Variants in SUGCT observed in about 807,000 individuals in gnomAD.
SUGCT encodes the protein succinyl-CoA:glutarate CoA-transferase.
A neutral mutation model predicts 55.0 loss-of-function variants in SUGCT; 41 were observed. The observed-to-expected ratio is 0.74, with a 90% CI of 0.58 to 0.97. The LOEUF (loss-of-function observed/expected upper bound fraction) is 0.97, where lower values mean the gene tolerates loss of function less well. Among genes scored for constraint, SUGCT ranks in the 50% least tolerant of loss-of-function variants. The pLI is 0.00. For synonymous variants in SUGCT, 187 were observed against 200.4 expected (o/e 0.93, Z 0.56); for missense variants, 568 against 547.8 (o/e 1.04, Z -0.37).
At chr7:40,227,890 A>T (rs1788478915) in intron 6 of SUGCT, among the ~76,000 whole-genome samples, 1 of 150,378 alleles carries the variant, frequency 6.6e-6, no homozygotes, top group South Asian at 2.1e-4. Flanking sequence ...TTATTTATTT[A>T]TTTATTTTTG....
intron 12 of SUGCT, among the ~76,000 whole-genome samples, chr7:40,703,311 G>T (rs1253310412): frequency 1.3e-5 from 2 of 152,068 alleles, no homozygotes; most frequent in Non-Finnish European, 2.9e-5. Context: ...ATAGGTGGTG[G>T]TCGGGGTCCT....
chr7:40,684,963 T>A (rs1784402418), intron 12 of SUGCT, among the ~76,000 whole-genome samples: 2 of 152,192 alleles, frequency 1.3e-5, no homozygotes. Flanking sequence ...CCCAAGTAGC[T>A]GGGACTACAG....
Position 40,448,954 on chromosome 7 carries a change from A to G in SUGCT, c.817-333A>G, listed in dbSNP as rs544389091. ...TGTGTGTGTGTGTGTGTGTGTGTATATATATATAGAGAGAGAGAGAGAGAG... is the reference window on the plus strand; with the variant it reads ...TGTGTGTGTGTGTGTGTGTGTGTATGTATATATAGAGAGAGAGAGAGAGAG... On this transcript the variant is annotated intron_variant, in intron 9 of 13. Coordinates refer to ENST00000335693, the MANE Select transcript of SUGCT (RefSeq NM_001193313.2). Among the ~76,000 whole-genome samples, 1,330 of 144,362 alleles carry G rather than the reference A, an allele frequency of 9.2e-3. 20 individuals carry two copies. The highest frequency in any genetic ancestry group is 0.032 in the African/African-American group (1,196 of 36,866). 94.7% of individuals were successfully genotyped at this position (144,362 alleles called of 152,430 possible). A position where few individuals can be genotyped will look rare whatever the true frequency, so the allele number is the denominator to read the frequency against.
chr7:40,944,580 C>T, the SUGCT span, among the ~76,000 whole-genome samples: 1 of 151,424 alleles, frequency 6.6e-6, no homozygotes, highest in African/African-American at 2.4e-5. Flanking sequence ...TGTCAAAGAT[C>T]AGATAGTTGT....
rs185851377 is a variant in SUGCT, at chr7:40,450,126, C to T, written c.888+768C>T. 1.6e-3 allele frequency among the ~76,000 whole-genome samples: 241 copies of T among 152,214 alleles called. 2 individuals are homozygous for T. Among genetic ancestry groups the T allele is most frequent in the African/African-American group, 5.6e-3 (233 of 41,552 alleles). ...TATTTTTAGTAGAGATGTGGTTTCA[C>T]TATGCTGGCCAGGGTGGTCTCGAAC... On this transcript the variant is annotated intron_variant, in intron 10 of 13. Coordinates refer to ENST00000335693, the MANE Select transcript of SUGCT (RefSeq NM_001193313.2).
At chr7:40,537,853 A>G (rs1029814993) in intron 12 of SUGCT, among the ~76,000 whole-genome samples, 1 of 152,218 alleles carries the variant, frequency 6.6e-6, no homozygotes, top group African/African-American at 2.4e-5. Flanking sequence ...TAACTACATT[A>G]TGAGCAAGAG....
chr7:40,488,113 T>C (rs1791483811), intron 11 of SUGCT, among the ~76,000 whole-genome samples: 1 of 151,872 alleles, frequency 6.6e-6, no homozygotes. Flanking sequence ...TGTTTTGTAG[T>C]TGTTTTGTAG....
intron 9 of SUGCT, among the ~76,000 whole-genome samples, chr7:40,422,593 CA>C (rs554916683): frequency 1.1e-4 from 16 of 152,002 alleles, no homozygotes; most frequent in Non-Finnish European, 2.4e-4. Flanking sequence ...TTACTCTTTC[CA>C]GGACATTTCA....
chr7:40,780,706 A>G (rs1789694022), intron 13 of SUGCT, among the ~76,000 whole-genome samples: 1 of 151,790 alleles, frequency 6.6e-6, no homozygotes, highest in Non-Finnish European at 1.5e-5. Context: ...CTTGGCAGGA[A>G]GAAAAAATTG....
chr7:40,334,378 G>A (rs1012192204), intron 9 of SUGCT, among the ~76,000 whole-genome samples: 1 of 152,156 alleles, frequency 6.6e-6, no homozygotes. Context: ...CAGTGTAAAA[G>A]TGTTCCTATT....
chr7:40,456,367 ATGCATAGAAT>A (rs1225491700), intron 10 of SUGCT, among the ~76,000 whole-genome samples: 2 of 152,182 alleles, frequency 1.3e-5, no homozygotes, highest in Non-Finnish European at 2.9e-5. Context: ...AATAAGGTAT[ATGCATAGAAT>A]AATGTCTGCA....
intron 12 of SUGCT, among the ~76,000 whole-genome samples, chr7:40,695,193 T>C (rs1358645791): frequency 6.7e-6 from 1 of 149,176 alleles, no homozygotes; most frequent in African/African-American, 2.5e-5. Context: ...ATTTATTTAT[T>C]TATTTATTTA....
intron 12 of SUGCT, chr7:40,539,560 C>T (rs1794559886): frequency 6.6e-6 from 1 of 152,126 alleles, no homozygotes; most frequent in South Asian, 2.1e-4. Flanking sequence ...AACAGTTGTT[C>T]TAGAGAAGCA....
At chr7:40,791,060 T>A (rs1440437720) in intron 13 of SUGCT, among the ~76,000 whole-genome samples, 1 of 152,196 alleles carries the variant, frequency 6.6e-6, no homozygotes, top group Non-Finnish European at 1.5e-5. Flanking sequence ...TTGCAAAGAT[T>A]GTTCAAAAAG....
intron 12 of SUGCT, among the ~76,000 whole-genome samples, chr7:40,738,605 C>T (rs1433797656): frequency 6.6e-6 from 1 of 152,124 alleles, no homozygotes; most frequent in Non-Finnish European, 1.5e-5. Flanking sequence ...GTTCAAGTCA[C>T]CTCATGTCAA....
At chr7:40,484,388 G>C (rs886986478) in intron 11 of SUGCT, among the ~76,000 whole-genome samples, 15 of 152,216 alleles carry the variant, frequency 9.9e-5, no homozygotes, top group Non-Finnish European at 1.6e-4. Flanking sequence ...TCAGTGGTTA[G>C]TTGGAAAGAA....
At chr7:40,628,711 G>T (rs1043671122) in intron 12 of SUGCT, among the ~76,000 whole-genome samples, 2 of 149,240 alleles carry the variant, frequency 1.3e-5, no homozygotes, top group African/African-American at 5.1e-5. Flanking sequence ...CAGTTTTTGG[G>T]TGTGTGTGTT....
At chr7:40,531,463 G>C (rs1794081205) in intron 12 of SUGCT, among the ~76,000 whole-genome samples, 1 of 151,376 alleles carries the variant, frequency 6.6e-6, no homozygotes. Context: ...TCTATCTATA[G>C]TATCAGTCAT....
chr7:40,149,875 C>T (rs1052507672), intron 1 of SUGCT, among the ~76,000 whole-genome samples: 6 of 152,156 alleles, frequency 3.9e-5, no homozygotes, highest in Non-Finnish European at 8.8e-5. Flanking sequence ...GCTGAGATCG[C>T]GCCATCGCAC....
Sources: gnomAD v4.1 joint callset for allele counts (sites outside exome capture counted in the v4.1 genomes callset) on GRCh38, gnomAD v4.1.1 for gene constraint, MANE v1.5 for transcripts, NCBI Gene and HGNC (gene_info 2026-07-23, HGNC 2026-07-21) for gene names.